PDGFRA: variants seen among roughly 807,000 people sequenced by gnomAD.
PDGFRA encodes the protein platelet-derived growth factor receptor alpha.
A neutral mutation model predicts 121.5 loss-of-function variants in PDGFRA; 25 were observed. That is an observed-to-expected ratio of 0.21 (90% CI 0.15 to 0.29). PDGFRA has a LOEUF of 0.29. PDGFRA is among the 10% of genes least tolerant of loss of function. The pLI is 1.00. For missense variants in PDGFRA, 1,008 were observed against 1,345.1 expected, an observed-to-expected ratio of 0.75 and a Z score of 3.92; for synonymous variants, 463 against 494.8, an observed-to-expected ratio of 0.94 and a Z score of 0.85.
chr4:54,244,166 A>T (rs1279488866), intron 1 of PDGFRA, among the ~76,000 whole-genome samples: 12 of 152,312 alleles, frequency 7.9e-5, no homozygotes, highest in Non-Finnish European at 1.5e-5. Flanking sequence ...GACAGCAGTA[A>T]CCTCTGCAGA....
rs189325700 is a variant in PDGFRA, at chr4:54,237,641, C to G, written c.-13+8226C>G. On this transcript the variant is annotated intron_variant, in intron 1 of 22. Transcript: ENST00000257290. ...CAGCCTGGCTCTGGGGCCCACTGTG[C>G]CTGCCACCGCAGCAGTGTGGAAGCC... Among the ~76,000 whole-genome samples, 36 of 152,318 alleles carry G rather than the reference C, an allele frequency of 2.4e-4. No homozygotes were observed. In the East Asian group the frequency reaches 5.6e-3, roughly 24 times the overall value.
At chr4:54,258,931 G>T (rs1195827324) in intron 2 of PDGFRA, 114 bp downstream of exon 2, 1 of 879,914 alleles carries the variant, frequency 1.1e-6, no homozygotes, top group Non-Finnish European at 1.9e-6. Context: ...AGAGTGAAAA[G>T]AAATAGAAAA....
chr4:54,265,115 A>G, intron 5 of PDGFRA, 66 bp downstream of exon 5: 1 of 1,519,542 alleles, frequency 6.6e-7, no homozygotes, highest in Non-Finnish European at 9.1e-7. Flanking sequence ...CCTGCATTTG[A>G]GCTCGGTCTG....
At chr4:54,275,175 C>T (rs1185779389) in intron 12 of PDGFRA, among the ~76,000 whole-genome samples, 1 of 152,050 alleles carries the variant, frequency 6.6e-6, no homozygotes, top group East Asian at 1.9e-4. Context: ...CTTTCCATAA[C>T]AAATTATAGT....
chr4:54,258,692 A>C, intron 1 of PDGFRA, 65 bp from the exon 2 acceptor site: 1 of 956,208 alleles, frequency 1.0e-6, no homozygotes. Context: ...AAACACAAAG[A>C]GAACTAGGCT....
chr4:54,277,845 C>T (rs539738714), intron 13 of PDGFRA, 51 bp from the exon 14 acceptor site: 4 of 1,204,278 alleles, frequency 3.3e-6, no homozygotes, highest in Non-Finnish European at 2.5e-6. Flanking sequence ...TTTCTGAGAA[C>T]AGGAAGTTGG....
At chr4:54,287,591 G>C (rs373358910) in intron 19 of PDGFRA, 50 bp downstream of exon 19, 18 of 808,952 alleles carry the variant, frequency 2.2e-5, no homozygotes, top group Non-Finnish European at 2.7e-5. Context: ...AACACCACTG[G>C]AAGGAAAATG....
chr4:54,249,968 G>A (rs1289995781), intron 1 of PDGFRA, among the ~76,000 whole-genome samples: 3 of 152,036 alleles, frequency 2.0e-5, no homozygotes, highest in Non-Finnish European at 4.4e-5. Flanking sequence ...TGGTCAAACT[G>A]GTTAAGATTG....
At chr4:54,244,248 C>T (rs960629525) in intron 1 of PDGFRA, among the ~76,000 whole-genome samples, 24 of 152,342 alleles carry the variant, frequency 1.6e-4, no homozygotes, top group African/African-American at 4.1e-4. Context: ...GATCTGAGAA[C>T]GGGCAGACTG....
At chr4:54,279,220 C>T (rs532740969) in intron 15 of PDGFRA, among the ~76,000 whole-genome samples, 38 of 152,330 alleles carry the variant, frequency 2.5e-4, no homozygotes, top group African/African-American at 8.2e-4. Flanking sequence ...AGCACAGCCC[C>T]ACTGTCTTAG....
chr4:54,252,340 T>G (rs1722096954), intron 1 of PDGFRA, among the ~76,000 whole-genome samples: 1 of 152,232 alleles, frequency 6.6e-6, no homozygotes, highest in Non-Finnish European at 1.5e-5. Context: ...GTCCTCTTTG[T>G]GTAGGAATGC....
At chr4:54,233,214 G>A (rs1280521609) in intron 1 of PDGFRA, among the ~76,000 whole-genome samples, 1 of 152,250 alleles carries the variant, frequency 6.6e-6, no homozygotes, top group East Asian at 1.9e-4. Context: ...CGGAGCGGCT[G>A]GGCATCGCCG....
intron 1 of PDGFRA, among the ~76,000 whole-genome samples, chr4:54,251,592 G>T (rs1722058026): frequency 6.6e-6 from 1 of 152,136 alleles, no homozygotes; most frequent in South Asian, 2.1e-4. Context: ...GATCAAAGTT[G>T]ACTTATAGAG....
intron 1 of PDGFRA, among the ~76,000 whole-genome samples, chr4:54,255,582 T>C (rs1349770356): frequency 6.6e-6 from 1 of 151,068 alleles, no homozygotes; most frequent in African/African-American, 2.4e-5. Context: ...CTTGGCTCAC[T>C]GCAAGCTCCA....
chr4:54,248,190 T>G (rs1721810674), intron 1 of PDGFRA, among the ~76,000 whole-genome samples: 1 of 152,212 alleles, frequency 6.6e-6, no homozygotes, highest in African/African-American at 2.4e-5. Context: ...ACCAATGACT[T>G]TCTTCACAGA....
Position 54,266,399 on chromosome 4 carries a change from T to C in PDGFRA, c.760-890T>C, listed in dbSNP as rs578197442. On this transcript the variant is annotated intron_variant, in intron 5 of 22. Transcript: ENST00000257290. ...TTTTCATTTGTATTTCTTTCTTTTT[T>C]TTTTCTTTTTTCTTTTTTTTTTTTG... Among the ~76,000 whole-genome samples the C allele has an allele frequency of 2.1e-5, 3 of 146,000 alleles. No individual in the cohort carries two copies. In the East Asian group the frequency reaches 6.1e-4, roughly 30 times the overall value.
chr4:54,249,400 A>G (rs559549474), intron 1 of PDGFRA, among the ~76,000 whole-genome samples: 1 of 152,206 alleles, frequency 6.6e-6, no homozygotes, highest in Non-Finnish European at 1.5e-5. Flanking sequence ...TCCAACGATG[A>G]TAGACTGGAT....
At chr4:54,284,876 TA>T (rs1560488490) in intron 16 of PDGFRA, among the ~76,000 whole-genome samples, 4 of 107,126 alleles carry the variant, frequency 3.7e-5, no homozygotes, top group Non-Finnish European at 7.7e-5. Flanking sequence ...TCATTCTTTC[TA>T]TCTTTTTTTT....
Position 54,267,564 on chromosome 4 carries a change from T to C in PDGFRA, c.944T>C (p.Ile315Thr), listed in dbSNP as rs1723108178. 1 of 1,614,206 alleles carries C rather than the reference T, an allele frequency of 6.2e-7. No homozygotes were observed. The change falls in exon 7 of 23, where the codon ATT becomes ACT. Residue 315 changes from isoleucine (I) to threonine (T), a missense_variant. By Grantham distance (89) the Ile-to-Thr change is moderately conservative. Transcript: ENST00000257290. ...CTTCCCTGTACAGAGAAAGGTTTCATTGAAATCAAACCCACCTTCAGCCAG... is the reference window on the plus strand; with the variant it reads ...CTTCCCTGTACAGAGAAAGGTTTCACTGAAATCAAACCCACCTTCAGCCAG... Reference protein sequence around the residue: ...VTISVHEKGFIEIKPTFSQLE... With the variant: ...VTISVHEKGFTEIKPTFSQLE...
Sources: allele counts gnomAD v4.1 joint callset (sites outside exome capture counted in the v4.1 genomes callset), GRCh38; gene constraint gnomAD v4.1.1; transcripts MANE v1.5; gene names NCBI Gene and HGNC (gene_info 2026-07-23, HGNC 2026-07-21).